Variants in FHIT observed in about 807,000 individuals in gnomAD.
The protein encoded by FHIT is fragile histidine triad diadenosine triphosphatase.
In FHIT, 19 loss-of-function variants were observed where a neutral mutation model predicts 17.9. The observed-to-expected ratio is 1.06, with a 90% CI of 0.74 to 1.56. The LOEUF (loss-of-function observed/expected upper bound fraction) is 1.56, where lower values mean the gene tolerates loss of function less well. Ranked by LOEUF, FHIT falls within the 40% of genes most tolerant of loss-of-function variation. The probability of loss-of-function intolerance (pLI) is 0.00; values close to 1 mark genes in which losing one functional copy is unlikely to be tolerated. For synonymous variants in FHIT, 81 were observed against 69.7 expected, an observed-to-expected ratio of 1.16 and a Z score of -0.81; for missense variants, 248 against 189.2, an observed-to-expected ratio of 1.31 and a Z score of -1.82.
intron 2 of FHIT, among the ~76,000 whole-genome samples, chr3:61,094,198 T>C (rs1263741807): frequency 1.3e-5 from 2 of 151,928 alleles, no homozygotes; most frequent in African/African-American, 4.8e-5. Flanking sequence ...GGGTTAGAGG[T>C]ATACAGTTTT....
chr3:59,779,136 G>A (rs1353103091), intron 8 of FHIT, among the ~76,000 whole-genome samples: 1 of 152,196 alleles, frequency 6.6e-6, no homozygotes, highest in East Asian at 1.9e-4. Context: ...ATCCAAGTTT[G>A]CAGACTCCAT....
intron 5 of FHIT, among the ~76,000 whole-genome samples, chr3:60,018,695 C>T (rs891239953): frequency 2.6e-5 from 4 of 152,076 alleles, no homozygotes; most frequent in East Asian, 1.9e-4. Context: ...CAACATTGAT[C>T]GGCCGGGCGC....
At chr3:60,987,439 A>G (rs913506672) in intron 3 of FHIT, among the ~76,000 whole-genome samples, 2 of 152,254 alleles carry the variant, frequency 1.3e-5, no homozygotes, top group Admixed American at 6.5e-5. Flanking sequence ...CCTTAAGGAC[A>G]TACTCCTGCT....
chr3:60,526,534 T>C (rs952644361), intron 5 of FHIT, among the ~76,000 whole-genome samples: 6 of 152,098 alleles, frequency 3.9e-5, no homozygotes, highest in Non-Finnish European at 7.4e-5. Context: ...AAAGGTGAAA[T>C]AGTGTAGAAA....
intron 2 of FHIT, among the ~76,000 whole-genome samples, chr3:61,150,388 C>T (rs1478779474): frequency 6.6e-6 from 1 of 151,870 alleles, no homozygotes; most frequent in Non-Finnish European, 1.5e-5. Flanking sequence ...GTCTGGTCTC[C>T]ACCTCCTCTT....
chr3:60,571,574 C>G (rs1178146849), intron 4 of FHIT, among the ~76,000 whole-genome samples: 1 of 151,966 alleles, frequency 6.6e-6, no homozygotes, highest in African/African-American at 2.4e-5. Flanking sequence ...GACAGGTCAC[C>G]TGGGGTATGT....
chr3:60,850,375 G>T (rs1236197923), intron 3 of FHIT, among the ~76,000 whole-genome samples: 5 of 128,566 alleles, frequency 3.9e-5, no homozygotes, highest in African/African-American at 1.4e-4. Context: ...CTCATGCTCT[G>T]CATCTTTAAA....
chr3:60,365,307 A>G (rs9839717), intron 5 of FHIT, among the ~76,000 whole-genome samples: 2,108 of 152,094 alleles, frequency 0.014, 52 homozygotes, highest in African/African-American at 0.047. Context: ...CTTTGAATGT[A>G]AGGTTACATG....
chr3:60,178,361 C>T (rs1397277225), intron 5 of FHIT, among the ~76,000 whole-genome samples: 2 of 152,066 alleles, frequency 1.3e-5, no homozygotes, highest in Admixed American at 6.6e-5. Flanking sequence ...CTGAGGCGGG[C>T]GGATCACCTC....
chr3:59,973,530 G>C (rs1559510930), intron 7 of FHIT, among the ~76,000 whole-genome samples: 1 of 152,044 alleles, frequency 6.6e-6, no homozygotes, highest in Non-Finnish European at 1.5e-5. Flanking sequence ...AAGATCTCTT[G>C]TGGTCTTTCC....
chr3:60,516,615 C>G (rs1199092606), intron 5 of FHIT, among the ~76,000 whole-genome samples: 1 of 152,182 alleles, frequency 6.6e-6, no homozygotes, highest in African/African-American at 2.4e-5. Flanking sequence ...ATTCTCTCAT[C>G]TATAAAATGG....
At chr3:60,306,653 T>G (rs565913792) in intron 5 of FHIT, among the ~76,000 whole-genome samples, 1 of 152,262 alleles carries the variant, frequency 6.6e-6, no homozygotes, top group Admixed American at 6.6e-5. Flanking sequence ...ACAATACACG[T>G]GCAAAATTAA....
At chr3:60,814,524 A>G (rs1701670461) in intron 4 of FHIT, among the ~76,000 whole-genome samples, 1 of 152,218 alleles carries the variant, frequency 6.6e-6, no homozygotes, top group Non-Finnish European at 1.5e-5. Flanking sequence ...ACGTGGCTGC[A>G]AAGGACATGA....
intron 5 of FHIT, among the ~76,000 whole-genome samples, chr3:60,477,710 A>C (rs2033415932): frequency 6.6e-6 from 1 of 152,242 alleles, no homozygotes. Flanking sequence ...AGGCATGTAG[A>C]TATAAACATG....
intron 4 of FHIT, among the ~76,000 whole-genome samples, chr3:60,776,011 T>A (rs1057407352): frequency 4.6e-5 from 7 of 152,154 alleles, no homozygotes; most frequent in Admixed American, 1.3e-4. Flanking sequence ...CTCTACCCCA[T>A]CAGCAAGTTA....
intron 5 of FHIT, among the ~76,000 whole-genome samples, chr3:60,120,264 C>T (rs9857624): frequency 0.26 from 39,483 of 152,144 alleles, 5,829 homozygotes; most frequent in Non-Finnish European, 0.34. Context: ...TTAATCATTT[C>T]AGTTTCCTCC....
chr3:59,897,777 T>C (rs910672270), intron 8 of FHIT, among the ~76,000 whole-genome samples: 1 of 151,852 alleles, frequency 6.6e-6, no homozygotes, highest in African/African-American at 2.4e-5. Flanking sequence ...TTTTTCTTTT[T>C]TTTTTTTGAG....
intron 2 of FHIT, among the ~76,000 whole-genome samples, chr3:61,138,167 T>G (rs924670815): frequency 3.9e-5 from 6 of 152,180 alleles, no homozygotes; most frequent in African/African-American, 1.4e-4. Context: ...GCTCCCAAGT[T>G]TACACATCTA....
At chr3:59,828,684 G>A (rs952069225) in intron 8 of FHIT, among the ~76,000 whole-genome samples, 1 of 152,182 alleles carries the variant, frequency 6.6e-6, no homozygotes, top group African/African-American at 2.4e-5. Context: ...TTGAAAAACA[G>A]TATTTCAGCC....
Sources: gnomAD v4.1 joint callset for allele counts (sites outside exome capture counted in the v4.1 genomes callset) on GRCh38, gnomAD v4.1.1 for gene constraint, MANE v1.5 for transcripts, NCBI Gene and HGNC (gene_info 2026-07-23, HGNC 2026-07-21) for gene names.